CLSTN1: variants seen among roughly 807,000 people sequenced by gnomAD.
CLSTN1 encodes calsyntenin-1.
A neutral mutation model predicts 108.3 loss-of-function variants in CLSTN1; 28 were observed. That is an observed-to-expected ratio of 0.26 (90% CI 0.19 to 0.35). The LOEUF is 0.35. Among genes scored for constraint, CLSTN1 ranks in the 10% least tolerant of loss-of-function variants. The pLI is 1.00. For synonymous variants in CLSTN1, 524 were observed against 534.9 expected (o/e 0.98, Z 0.28); for missense variants, 1,157 against 1,302.6 (o/e 0.89, Z 1.72).
intron 1 of CLSTN1, among the ~76,000 whole-genome samples, chr1:9,812,572 C>G (rs1176919743): frequency 6.6e-6 from 1 of 152,104 alleles, no homozygotes; most frequent in Non-Finnish European, 1.5e-5. Context: ...GCTGGCTGGG[C>G]ACGGTGGCTC....
intron 2 of CLSTN1, 75 bp from the exon 3 acceptor site, chr1:9,756,585 C>T: frequency 2.4e-6 from 3 of 1,243,864 alleles, no homozygotes; most frequent in Non-Finnish European, 3.5e-6. Context: ...GGAAAAAAGT[C>T]AAAGGTGCAC....
intron 1 of CLSTN1, among the ~76,000 whole-genome samples, chr1:9,777,251 G>A (rs1170760134): frequency 7.1e-6 from 1 of 141,646 alleles, no homozygotes; most frequent in African/African-American, 2.7e-5. Flanking sequence ...TGGGAGTGGT[G>A]GCTCAAGCCT....
At chr1:9,816,584 T>G (rs1009444866) in intron 1 of CLSTN1, among the ~76,000 whole-genome samples, 14 of 150,724 alleles carry the variant, frequency 9.3e-5, no homozygotes, top group South Asian at 2.2e-4. Flanking sequence ...TGGGTTTTTT[T>G]GTTTGTTTGT....
chr1:9,821,049 T>C (rs1332459188), intron 1 of CLSTN1, among the ~76,000 whole-genome samples: 5 of 152,236 alleles, frequency 3.3e-5, no homozygotes, highest in Non-Finnish European at 7.3e-5. Flanking sequence ...CACTGTTCTA[T>C]TTCCCGATCT....
At chr1:9,771,519 C>T (rs1161009311) in intron 2 of CLSTN1, among the ~76,000 whole-genome samples, 2 of 152,028 alleles carry the variant, frequency 1.3e-5, no homozygotes, top group African/African-American at 4.8e-5. Context: ...GAGGCTGAGG[C>T]AGGAGAACTG....
chr1:9,777,309 C>T (rs1442297269), intron 1 of CLSTN1, among the ~76,000 whole-genome samples: 3 of 150,260 alleles, frequency 2.0e-5, no homozygotes, highest in African/African-American at 7.4e-5. Flanking sequence ...CACTTGAAGT[C>T]AGGAGTTCAA....
chr1:9,813,199 A>T lies in CLSTN1; in HGVS notation c.91+10444T>A, dbSNP rs184957741. Among the ~76,000 whole-genome samples the T allele has an allele frequency of 4.1e-3, 626 of 151,856 alleles. 6 individuals are homozygous for T. Among genetic ancestry groups the T allele is most frequent in the Middle Eastern group, 0.031 (9 of 292 alleles). On this transcript the variant is annotated intron_variant, in intron 1 of 18. Coordinates refer to ENST00000377298, the MANE Select transcript of CLSTN1 (RefSeq NM_001009566.3). The stretch of plus-strand genomic sequence containing the variant: ...AAGAAAAACCTGTTGCCATCTTGAT[A>T]TTTTTTATAATTTTTGGGACAGATG...
At chr1:9,748,398 A>G (rs1651384791) in intron 7 of CLSTN1, among the ~76,000 whole-genome samples, 1 of 152,218 alleles carries the variant, frequency 6.6e-6, no homozygotes, top group Admixed American at 6.5e-5. Flanking sequence ...GTGATATAGA[A>G]AATCTATTGA....
intron 2 of CLSTN1, among the ~76,000 whole-genome samples, chr1:9,760,683 G>GT (rs1652027031): frequency 7.0e-6 from 1 of 143,274 alleles, no homozygotes; most frequent in East Asian, 2.1e-4. Context: ...CCCATTCCCG[G>GT]GTTTTTTTTT....
chr1:9,798,943 G>GGGAC (rs1323344048), intron 1 of CLSTN1, among the ~76,000 whole-genome samples: 5 of 152,280 alleles, frequency 3.3e-5, no homozygotes, highest in African/African-American at 1.2e-4. Context: ...CACTTTGGGA[G>GGGAC]GGCGGGGCAG....
chr1:9,782,582 T>A (rs567178001), intron 1 of CLSTN1, among the ~76,000 whole-genome samples: 2 of 152,336 alleles, frequency 1.3e-5, no homozygotes, highest in African/African-American at 4.8e-5. Flanking sequence ...TTTAGGGTTA[T>A]GGTAGATTTC....
At chr1:9,741,815 G>A (rs1439335815) in intron 9 of CLSTN1, among the ~76,000 whole-genome samples, 7 of 152,294 alleles carry the variant, frequency 4.6e-5, no homozygotes, top group African/African-American at 1.7e-4. Context: ...GGGAGGCTGA[G>A]GCACAAGAAT....
At chr1:9,806,796 G>A (rs1654527659) in intron 1 of CLSTN1, among the ~76,000 whole-genome samples, 1 of 151,968 alleles carries the variant, frequency 6.6e-6, no homozygotes, top group Non-Finnish European at 1.5e-5. Flanking sequence ...GGAAAATGGT[G>A]TGAACCCAGG....
chr1:9,749,949 C>A, intron 5 of CLSTN1, 36 bp from the exon 6 acceptor site: 1 of 1,594,598 alleles, frequency 6.3e-7, no homozygotes, highest in African/African-American at 1.3e-5. Flanking sequence ...AGAGCCAAAA[C>A]CCATGCTGGT....
chr1:9,772,266 G>A (rs1652728181), intron 2 of CLSTN1, among the ~76,000 whole-genome samples: 1 of 149,824 alleles, frequency 6.7e-6, no homozygotes, highest in East Asian at 2.0e-4. Flanking sequence ...ACAGGCATGA[G>A]CCACTGTGCC....
chr1:9,812,671 AC>A (rs1654809083), intron 1 of CLSTN1, among the ~76,000 whole-genome samples: 1 of 151,696 alleles, frequency 6.6e-6, no homozygotes, highest in African/African-American at 2.4e-5. Context: ...ACATGGAGAA[AC>A]CCCATCTCTA....
intron 2 of CLSTN1, among the ~76,000 whole-genome samples, chr1:9,771,785 C>G (rs1652695074): frequency 6.6e-6 from 1 of 152,142 alleles, no homozygotes; most frequent in Admixed American, 6.5e-5. Flanking sequence ...CTTTACAGCA[C>G]AAGCTGGTTC....
intron 1 of CLSTN1, among the ~76,000 whole-genome samples, chr1:9,788,830 T>C (rs1232066608): frequency 4.5e-5 from 6 of 133,632 alleles, no homozygotes; most frequent in African/African-American, 1.7e-4. Context: ...ATCACGCCAC[T>C]GCACTCCAAG....
chr1:9,796,414 C>G (rs183382470), intron 1 of CLSTN1, among the ~76,000 whole-genome samples: 73 of 150,290 alleles, frequency 4.9e-4, no homozygotes, highest in Non-Finnish European at 9.9e-4. Flanking sequence ...CGGTGGCTCA[C>G]GCCTGTAATC....
Sources: allele counts gnomAD v4.1 joint callset (sites outside exome capture counted in the v4.1 genomes callset), GRCh38; gene constraint gnomAD v4.1.1; transcripts MANE v1.5; gene names NCBI Gene and HGNC (gene_info 2026-07-23, HGNC 2026-07-21).